The following MEGF10 variants were observed in gnomAD, a reference collection of about 807,000 sequenced individuals.
MEGF10 encodes the protein multiple EGF like domains 10.
A neutral mutation model predicts 147.5 loss-of-function variants in MEGF10; 86 were observed. The ratio of observed to expected loss-of-function variants is 0.58; its 90% CI spans 0.49 to 0.70. The LOEUF (loss-of-function observed/expected upper bound fraction) is 0.70. MEGF10 is among the 30% of genes least tolerant of loss of function. The pLI, the probability that MEGF10 is intolerant of heterozygous loss-of-function variation, is 0.00. For synonymous variants in MEGF10, 478 were observed against 525.5 expected (o/e 0.91, Z 1.24); for missense variants, 1,329 against 1,487.3 (o/e 0.89, Z 1.75).
chr5:127,352,358 C>A (rs947925117), intron 4 of MEGF10, among the ~76,000 whole-genome samples: 5 of 152,212 alleles, frequency 3.3e-5, no homozygotes, highest in African/African-American at 1.2e-4. Flanking sequence ...TAATGCTGTT[C>A]ACTTTAAAAA....
chr5:127,436,004 G>A (rs1480272949), intron 16 of MEGF10, among the ~76,000 whole-genome samples: 1 of 152,086 alleles, frequency 6.6e-6, no homozygotes, highest in Non-Finnish European at 1.5e-5. Flanking sequence ...CTATATAGAT[G>A]ACTCTTAGAG....
chr5:127,288,291 A>T (rs911159639), upstream of MEGF10, among the ~76,000 whole-genome samples: 6 of 152,104 alleles, frequency 3.9e-5, no homozygotes, highest in African/African-American at 1.4e-4. Flanking sequence ...GAAAGACACT[A>T]TTAAGAAATT....
chr5:127,254,709 G>C, the MEGF10 span, among the ~76,000 whole-genome samples: 1 of 151,738 alleles, frequency 6.6e-6, no homozygotes, highest in Admixed American at 6.6e-5. Flanking sequence ...TACTTGGGAG[G>C]CTGAGGCAGG....
chr5:127,369,312 A>G (rs914446377), intron 4 of MEGF10, among the ~76,000 whole-genome samples: 1 of 152,126 alleles, frequency 6.6e-6, no homozygotes, highest in African/African-American at 2.4e-5. Flanking sequence ...TACACCTAAG[A>G]TCTTTACTAA....
the MEGF10 span, among the ~76,000 whole-genome samples, chr5:127,282,117 C>T: frequency 6.6e-6 from 1 of 152,168 alleles, no homozygotes; most frequent in African/African-American, 2.4e-5. Context: ...TGGTTTCTAC[C>T]TCTTGCTAGT....
rs1023202749 is a variant in MEGF10, at chr5:127,396,700, G to A, written c.581G>A (p.Arg194Lys). The A allele has an allele frequency of 6.2e-7, 1 of 1,614,132 alleles. No individual in the cohort carries two copies. Among genetic ancestry groups the A allele is most frequent in the Non-Finnish European group, 8.5e-7 (1 of 1,180,038 alleles). The change falls in exon 6 of 25, where the codon AGA becomes AAA. Residue 194 changes from arginine to lysine, a missense_variant. Transcript: ENST00000503335. ...ACCTATGGTAACGACTGTCATCAGA[G>A]ATGCCAGTGCCAGAATGGAGCCACC... ...QGTYGNDCHQ[R>K]CQCQNGATCD...
intron 1 of MEGF10, among the ~76,000 whole-genome samples, chr5:127,311,518 A>C (rs1409889850): frequency 6.6e-6 from 1 of 152,182 alleles, no homozygotes. Context: ...CCTACCCAGC[A>C]TGTGTTCAGA....
At chr5:127,369,842 A>C in intron 4 of MEGF10, 68 bp from the exon 5 acceptor site, 218 of 1,123,456 alleles carry the variant, frequency 1.9e-4, no homozygotes, top group Non-Finnish European at 2.6e-4. Context: ...TGGATGTGCA[A>C]CAGCTGTGTT....
intron 4 of MEGF10, among the ~76,000 whole-genome samples, chr5:127,367,848 A>C (rs1450705225): frequency 1.3e-5 from 2 of 152,174 alleles, no homozygotes; most frequent in Non-Finnish European, 2.9e-5. Flanking sequence ...TCGTGTTGAC[A>C]TATTTACAGT....
At chr5:127,275,101 A>T in the MEGF10 span, among the ~76,000 whole-genome samples, 21 of 152,214 alleles carry the variant, frequency 1.4e-4, no homozygotes, top group Non-Finnish European at 2.8e-4. Context: ...GCTAGCCATC[A>T]TTATATTGTG....
chr5:127,306,252 C>G (rs1054395186), intron 1 of MEGF10, among the ~76,000 whole-genome samples: 7 of 152,148 alleles, frequency 4.6e-5, no homozygotes, highest in Admixed American at 2.0e-4. Flanking sequence ...GGGTTAGTGG[C>G]TGACTGTGCC....
chr5:127,301,563 A>C (rs1007015821), intron 1 of MEGF10, among the ~76,000 whole-genome samples: 2 of 152,122 alleles, frequency 1.3e-5, no homozygotes, highest in Admixed American at 1.3e-4. Context: ...AACAGACAAG[A>C]TTCTGATGTT....
the MEGF10 span, among the ~76,000 whole-genome samples, chr5:127,241,732 A>C: frequency 4.6e-5 from 7 of 152,290 alleles, no homozygotes; most frequent in South Asian, 1.5e-3. Flanking sequence ...AGAGTGAAAT[A>C]ATCACTTTTT....
At chr5:127,373,254 C>A (rs959060610) in intron 5 of MEGF10, among the ~76,000 whole-genome samples, 2 of 152,118 alleles carry the variant, frequency 1.3e-5, no homozygotes, top group Non-Finnish European at 2.9e-5. Flanking sequence ...TGGGTTCAAG[C>A]AATTCTCATG....
At chr5:127,273,511 T>C in the MEGF10 span, among the ~76,000 whole-genome samples, 1 of 152,264 alleles carries the variant, frequency 6.6e-6, no homozygotes, top group African/African-American at 2.4e-5. Flanking sequence ...TTGGATCCCT[T>C]GAATTCTAAC....
Position 127,410,367 on chromosome 5 carries a change from G to A in MEGF10, c.918-22G>A, listed in dbSNP as rs748732454. 3.1e-6 allele frequency: 5 copies of A among 1,609,930 alleles called. No homozygotes were observed. The South Asian group carries it at 5.5e-5, about 18-fold the overall frequency. On this transcript the variant is annotated intron_variant, in intron 8 of 24. Transcript: ENST00000503335. ...ATGGCACTAACTAATCTTTCTTCTTGCTCCTGCCTCTTGCTTGGTAGGTGC... is the reference window on the plus strand; with the variant it reads ...ATGGCACTAACTAATCTTTCTTCTTACTCCTGCCTCTTGCTTGGTAGGTGC...
At chr5:127,405,245 C>T (rs1764278870) in intron 8 of MEGF10, among the ~76,000 whole-genome samples, 1 of 152,084 alleles carries the variant, frequency 6.6e-6, no homozygotes, top group Non-Finnish European at 1.5e-5. Flanking sequence ...ATTCCCTCAA[C>T]TTTTTTCCCC....
the MEGF10 span, among the ~76,000 whole-genome samples, chr5:127,247,347 G>C: frequency 1.0e-3 from 2 of 1,996 alleles, no homozygotes; most frequent in African/African-American, 3.7e-3. Flanking sequence ...AGAAGAAGAA[G>C]AAGAAGAAGA....
At chr5:127,368,195 A>T (rs1264426430) in intron 4 of MEGF10, among the ~76,000 whole-genome samples, 1 of 152,208 alleles carries the variant, frequency 6.6e-6, no homozygotes, top group African/African-American at 2.4e-5. Context: ...CAGTGTGTTC[A>T]TATGTTACAG....
Sources: allele counts gnomAD v4.1 joint callset (sites outside exome capture counted in the v4.1 genomes callset), GRCh38; gene constraint gnomAD v4.1.1; transcripts MANE v1.5; gene names NCBI Gene and HGNC (gene_info 2026-07-23, HGNC 2026-07-21).